The following VGLL4 variants were observed in gnomAD, a reference collection of about 807,000 sequenced individuals.
VGLL4 encodes the protein vestigial like family member 4.
Under a neutral mutation model 21.0 loss-of-function variants are expected in VGLL4, and 7 were observed. That is an observed-to-expected ratio of 0.33 (90% CI 0.19 to 0.63). VGLL4 has a LOEUF of 0.63. Among genes scored for constraint, VGLL4 ranks in the 20% least tolerant of loss-of-function variants. The pLI, the probability that VGLL4 is intolerant of heterozygous loss-of-function variation, is 0.78. For missense variants in VGLL4, 394 were observed against 425.7 expected (o/e 0.93, Z 0.66); for synonymous variants, 222 against 173.2 (o/e 1.28, Z -2.21).
chr3:11,710,971 G>C (rs1434273037), intron 1 of VGLL4, among the ~76,000 whole-genome samples: 1 of 152,094 alleles, frequency 6.6e-6, no homozygotes, highest in African/African-American at 2.4e-5. Flanking sequence ...GTGGTGGTGA[G>C]CACCTGTAAT....
chr3:11,579,519 C>A (rs1310675691), intron 2 of VGLL4, among the ~76,000 whole-genome samples: 3 of 152,114 alleles, frequency 2.0e-5, no homozygotes, highest in Non-Finnish European at 4.4e-5. Context: ...TAGATGCAAC[C>A]CCCTGGCTAT....
intron 1 of VGLL4, among the ~76,000 whole-genome samples, chr3:11,609,337 T>C (rs1426884018): frequency 6.6e-6 from 1 of 152,242 alleles, no homozygotes; most frequent in Non-Finnish European, 1.5e-5. Flanking sequence ...GAACACACTT[T>C]ACATAGTGGT....
At chr3:11,564,605 G>A (rs1314663265) in intron 3 of VGLL4, among the ~76,000 whole-genome samples, 192 bp downstream of exon 3, 5 of 150,114 alleles carry the variant, frequency 3.3e-5, no homozygotes, top group Admixed American at 2.7e-4. Flanking sequence ...AAAAGCAGAA[G>A]AGGACTCCTG....
At position 11,678,737 on chromosome 3, in the gene VGLL4, TA is replaced by T. The variant is rs977149244; in HGVS notation, c.64+24233del. On this transcript the variant is annotated intron_variant, in intron 2 of 5. Coordinates refer to the VGLL4 transcript ENST00000273038. ...TGTTTATGTTGGAAATTTTTTATAA[TA>T]AAAAAAATTTAAGTACATTAAGTTT... Among the ~76,000 whole-genome samples, 76 of 152,138 alleles carry T rather than the reference TA, an allele frequency of 5.0e-4. 1 individual carries two copies. Among genetic ancestry groups the T allele is most frequent in the African/African-American group, 1.3e-3 (53 of 41,486 alleles).
At chr3:11,611,321 G>A (rs2075057936) in intron 1 of VGLL4, among the ~76,000 whole-genome samples, 1 of 152,154 alleles carries the variant, frequency 6.6e-6, no homozygotes, top group East Asian at 1.9e-4. Flanking sequence ...CCTATAACAA[G>A]AGATTAGGGC....
chr3:11,702,732 AAAAAAAAAAAAAC>A (rs981480215), intron 2 of VGLL4: 11 of 166,896 alleles, frequency 6.6e-5, no homozygotes, highest in Non-Finnish European at 1.3e-4. Flanking sequence ...ATCCCATCTC[AAAAAAAAAAAAAC>A]AAAAAAAAAA....
chr3:11,665,574 G>A (rs1013637505), intron 2 of VGLL4, among the ~76,000 whole-genome samples: 1 of 152,226 alleles, frequency 6.6e-6, no homozygotes, highest in Non-Finnish European at 1.5e-5. Flanking sequence ...AGCTGTGGGG[G>A]AAGAGGGCAT....
chr3:11,671,382 T>C (rs1466250702), intron 2 of VGLL4: 2 of 966,762 alleles, frequency 2.1e-6, no homozygotes, highest in Middle Eastern at 2.0e-4. Flanking sequence ...TTCTAACAAG[T>C]TCCCAGGTGA....
At chr3:11,692,833 C>T (rs1338958526) in intron 2 of VGLL4, among the ~76,000 whole-genome samples, 1 of 152,034 alleles carries the variant, frequency 6.6e-6, no homozygotes, top group African/African-American at 2.4e-5. Context: ...TTCTCTGATA[C>T]CTCCCCCACC....
At chr3:11,641,745 T>A (rs1047547042) in intron 1 of VGLL4, among the ~76,000 whole-genome samples, 2 of 152,108 alleles carry the variant, frequency 1.3e-5, no homozygotes, top group African/African-American at 4.8e-5. Flanking sequence ...AGTTTCTTCC[T>A]CCCAAATACC....
At chr3:11,605,464 T>TGAAA (rs987179747) in intron 1 of VGLL4, among the ~76,000 whole-genome samples, 2 of 151,840 alleles carry the variant, frequency 1.3e-5, no homozygotes, top group African/African-American at 4.8e-5. Context: ...TTATGAGCCC[T>TGAAA]GAAAATTTCA....
intron 1 of VGLL4, among the ~76,000 whole-genome samples, chr3:11,630,826 A>C (rs1467055971): frequency 1.3e-5 from 2 of 152,172 alleles, no homozygotes; most frequent in Admixed American, 1.3e-4. Context: ...AAATGACCAC[A>C]TATGTCCACA....
At chr3:11,592,809 C>T (rs538090792) in intron 2 of VGLL4, among the ~76,000 whole-genome samples, 4 of 152,184 alleles carry the variant, frequency 2.6e-5, no homozygotes, top group East Asian at 1.9e-4. Context: ...GGAGGGATAA[C>T]GATAGTCTCC....
chr3:11,648,201 A>C (rs866610169), upstream of VGLL4, among the ~76,000 whole-genome samples: 54 of 152,310 alleles, frequency 3.5e-4, no homozygotes, highest in African/African-American at 1.1e-3. Flanking sequence ...CATAAAGCAA[A>C]GAATATATTT....
intron 1 of VGLL4, among the ~76,000 whole-genome samples, chr3:11,614,673 C>T (rs1279602837): frequency 6.6e-6 from 1 of 152,174 alleles, no homozygotes; most frequent in Non-Finnish European, 1.5e-5. Context: ...ATGCTGGTTT[C>T]AGAAGCCACA....
At chr3:11,581,809 C>A (rs887544313) in intron 2 of VGLL4, among the ~76,000 whole-genome samples, 9 of 151,936 alleles carry the variant, frequency 5.9e-5, no homozygotes, top group Non-Finnish European at 1.0e-4. Context: ...CTAAAACATA[C>A]CCCCTTTTGG....
Position 11,573,235 on chromosome 3 carries a change from AAAAGAAATAGAGAAAGAAAGAAAG to A in VGLL4, c.273-8240_273-8217del, listed in dbSNP as rs2073846734. ...GAGAGAGAGAAAGACAGACAGAAAG[AAAAGAAATAGAGAAAGAAAGAAAG>A]AAAGAAAGAAAGAAAGAAAGAAAGA... On this transcript the variant is annotated intron_variant, in intron 2 of 4. Transcript: ENST00000430365. Among the ~76,000 whole-genome samples the A allele has an allele frequency of 5.0e-5, 6 of 119,242 alleles. No homozygotes were observed. The East Asian group carries it at 7.0e-4, about 14-fold the overall frequency. 78.2% of individuals were successfully genotyped at this position (119,242 alleles called of 152,430 possible). A position where few individuals can be genotyped will look rare whatever the true frequency, so the allele number is the denominator to read the frequency against.
At position 11,558,842 on chromosome 3, in the gene VGLL4, G is replaced by A. The variant is rs1367103433; in HGVS notation, c.620-15C>T. 6.2e-7 allele frequency: 1 copy of A among 1,608,384 alleles called. No homozygotes were observed. The highest frequency in any genetic ancestry group is 2.2e-5 in the East Asian group (1 of 44,762). On this transcript the variant is annotated splice_polypyrimidine_tract_variant and intron_variant, in intron 4 of 4. Transcript: ENST00000430365. ...GGTGGTGGCAGCTGCAGGCAAGCAG[G>A]AAGGCAGGCAGTCAGACACAGGTGG...
intron 2 of VGLL4, among the ~76,000 whole-genome samples, chr3:11,597,035 A>G (rs6804229): frequency 0.056 from 8,586 of 152,214 alleles, 820 homozygotes; most frequent in African/African-American, 0.2. Flanking sequence ...AAAGTGCTCA[A>G]CAACCACAAG....
Sources: gnomAD v4.1 joint callset for allele counts (sites outside exome capture counted in the v4.1 genomes callset) on GRCh38, gnomAD v4.1.1 for gene constraint, MANE v1.5 for transcripts, NCBI Gene and HGNC (gene_info 2026-07-23, HGNC 2026-07-21) for gene names.